Variants in ARHGAP31 observed in about 807,000 individuals in gnomAD.
ARHGAP31 encodes the protein Rho GTPase activating protein 31.
Under a neutral mutation model 113.9 loss-of-function variants are expected in ARHGAP31, and 34 were observed. The observed-to-expected ratio is 0.30, with a 90% CI of 0.23 to 0.40. ARHGAP31 has a LOEUF of 0.40. ARHGAP31 is among the 10% of genes least tolerant of loss of function. The pLI is 1.00. For missense variants in ARHGAP31, 1,548 were observed against 1,767.1 expected, an observed-to-expected ratio of 0.88 and a Z score of 2.22; for synonymous variants, 650 against 684.8, an observed-to-expected ratio of 0.95 and a Z score of 0.79.
intron 6 of ARHGAP31, among the ~76,000 whole-genome samples, chr3:119,387,194 G>C (rs888210645): frequency 6.6e-6 from 1 of 152,152 alleles, no homozygotes; most frequent in Non-Finnish European, 1.5e-5. Context: ...GCCTGGTAAC[G>C]GGCGTCTTCC....
At chr3:119,303,786 T>TG (rs1553758200) in intron 1 of ARHGAP31, among the ~76,000 whole-genome samples, 1 of 150,962 alleles carries the variant, frequency 6.6e-6, no homozygotes, top group Non-Finnish European at 1.5e-5. Context: ...TTTCATGTTT[T>TG]TTGTTGTTGT....
At chr3:119,408,858 A>G (rs1207676471) in intron 10 of ARHGAP31, among the ~76,000 whole-genome samples, 1 of 152,216 alleles carries the variant, frequency 6.6e-6, no homozygotes, top group African/African-American at 2.4e-5. Context: ...GAACTTAATC[A>G]CTTTGGATAG....
intron 3 of ARHGAP31, among the ~76,000 whole-genome samples, chr3:119,370,313 A>G (rs1413602211): frequency 2.0e-5 from 3 of 152,366 alleles, no homozygotes; most frequent in Non-Finnish European, 2.9e-5. Flanking sequence ...GAAAGTAGAA[A>G]GGAACCATTG....
At chr3:119,315,500 G>A (rs534073921) in intron 1 of ARHGAP31, among the ~76,000 whole-genome samples, 26 of 152,312 alleles carry the variant, frequency 1.7e-4, no homozygotes, top group African/African-American at 5.1e-4. Context: ...CCAAATTCAG[G>A]TTATGATTCT....
chr3:119,365,496 A>T (rs2080246126), intron 2 of ARHGAP31, 78 bp downstream of exon 2: 1 of 1,326,112 alleles, frequency 7.5e-7, no homozygotes, highest in Non-Finnish European at 1.1e-6. Flanking sequence ...CGGTGTCCAG[A>T]GTATTAAAAA....
intron 1 of ARHGAP31, among the ~76,000 whole-genome samples, chr3:119,298,097 A>G (rs900198781): frequency 6.6e-6 from 1 of 152,154 alleles, no homozygotes; most frequent in East Asian, 1.9e-4. Context: ...GAAGGGAGCA[A>G]TGAACACTCT....
At chr3:119,327,551 A>G (rs2079856840) in intron 1 of ARHGAP31, among the ~76,000 whole-genome samples, 1 of 152,196 alleles carries the variant, frequency 6.6e-6, no homozygotes, top group South Asian at 2.1e-4. Flanking sequence ...TCTCAAAAAA[A>G]TAAATAAATA....
At chr3:119,358,563 A>G (rs77732659) in intron 1 of ARHGAP31, among the ~76,000 whole-genome samples, 2,623 of 152,348 alleles carry the variant, frequency 0.017, 48 homozygotes, top group East Asian at 0.061. Flanking sequence ...CATAGCAACA[A>G]TATTCCTAAT....
At position 119,366,623 on chromosome 3, in the gene ARHGAP31, G is replaced by A. The variant is rs550280338; in HGVS notation, c.203+1205G>A. Among the ~76,000 whole-genome samples the A allele has an allele frequency of 3.9e-5, 6 of 152,148 alleles. No homozygotes were observed. In the East Asian group the frequency reaches 7.7e-4, roughly 20 times the overall value. On this transcript the variant is annotated intron_variant, in intron 2 of 11. Transcript: ENST00000264245. Reference sequence around the variant, plus strand: ...CCTACCACACAGTAGGTAGCATCCCGGAAGGACACTTCAGTAGTAATGAAT... The same window carrying A: ...CCTACCACACAGTAGGTAGCATCCCAGAAGGACACTTCAGTAGTAATGAAT...
chr3:119,389,038 G>C (rs1273862714), intron 6 of ARHGAP31, among the ~76,000 whole-genome samples: 1 of 152,220 alleles, frequency 6.6e-6, no homozygotes, highest in East Asian at 1.9e-4. Context: ...GTGGGTGCCT[G>C]TAGTCCCAGC....
rs772904510 is a variant in ARHGAP31, at chr3:119,416,288, GA to G, written c.*31del. 4.4e-5 allele frequency: 71 copies of G among 1,611,010 alleles called. No individual in the cohort carries two copies. Among genetic ancestry groups the G allele is most frequent in the Non-Finnish European group, 5.3e-5 (63 of 1,180,004 alleles). On this transcript the variant is annotated 3_prime_UTR_variant, in exon 12 of 12. Transcript: ENST00000264245. The stretch of plus-strand genomic sequence containing the variant: ...GATTTCGGTTCACCTGCTGGTGTCT[GA>G]AAAAAACCGTGATTCATCTGGAAGT...
chr3:119,309,949 GTTT>G (rs57460032), intron 1 of ARHGAP31, among the ~76,000 whole-genome samples: 1 of 143,986 alleles, frequency 6.9e-6, no homozygotes. Context: ...ACTATCAACT[GTTT>G]TTTTTTTTTT....
chr3:119,393,725 T>A, intron 8 of ARHGAP31, 134 bp downstream of exon 8: 1 of 1,268,476 alleles, frequency 7.9e-7, no homozygotes, highest in Non-Finnish European at 1.1e-6. Flanking sequence ...GGAAGAGGAG[T>A]CTTTTTTCAA....
chr3:119,375,004 CT>C (rs368829009), intron 3 of ARHGAP31, among the ~76,000 whole-genome samples: 23 of 147,998 alleles, frequency 1.6e-4, no homozygotes, highest in Non-Finnish European at 1.4e-4. Context: ...GATCAAACTG[CT>C]TTTTTTTTTG....
In ARHGAP31 at chr3:119,414,254, C is replaced by T; in HGVS notation, c.2325C>T (p.Gly775=). 1 of 1,614,160 alleles carries T rather than the reference C, an allele frequency of 6.2e-7. No individual in the cohort carries two copies. Among genetic ancestry groups the T allele is most frequent in the Non-Finnish European group, 8.5e-7 (1 of 1,180,018 alleles). The change falls in exon 12 of 12, where the codon GGC becomes GGT. Residue 775 remains glycine, a synonymous_variant. Coordinates refer to ENST00000264245, the MANE Select transcript of ARHGAP31 (RefSeq NM_020754.4). The part of the protein sequence containing the change: ...PQATVEVGGP[G]NLSPPLPPAP... ...CAACAGTGGAAGTAGGAGGCCCAGG[C>T]AATCTGTCTCCTCCACTCCCACCTG...
chr3:119,401,880 A>G lies in ARHGAP31; in HGVS notation c.1128A>G (p.Pro376=). The G allele has an allele frequency of 6.2e-7, 1 of 1,614,050 alleles. No individual in the cohort carries two copies. The highest frequency in any genetic ancestry group is 2.2e-5 in the East Asian group (1 of 44,874). Residue 376 remains proline, a synonymous_variant, in exon 10 of 12, where the codon CCA becomes CCG. Transcript: ENST00000264245. ...TTACCACCGGTGGATTTTTCATTCCAGCAACAAAGATGCACTCCACCGGCA... is the reference window on the plus strand; with the variant it reads ...TTACCACCGGTGGATTTTTCATTCCGGCAACAAAGATGCACTCCACCGGCA... ...RTVTTGGFFI[P]ATKMHSTGTG... is the part of the protein sequence containing the mutation.
chr3:119,409,870 T>A, intron 11 of ARHGAP31, 94 bp downstream of exon 11: 1 of 1,361,148 alleles, frequency 7.3e-7, no homozygotes, highest in Non-Finnish European at 9.9e-7. Flanking sequence ...AAAAATTTTT[T>A]TTTGAAAAAT....
chr3:119,337,744 C>G (rs117004527), intron 1 of ARHGAP31, among the ~76,000 whole-genome samples: 2,899 of 152,280 alleles, frequency 0.019, 59 homozygotes, highest in East Asian at 0.11. Context: ...AGTCCTTTAG[C>G]TAGACAGAAA....
chr3:119,393,338 G>A, intron 7 of ARHGAP31, 129 bp from the exon 8 acceptor site: 2 of 1,260,306 alleles, frequency 1.6e-6, no homozygotes, highest in East Asian at 4.7e-5. Context: ...TTGGATTTTA[G>A]AGGGGAATTT....
Sources: allele counts gnomAD v4.1 joint callset (sites outside exome capture counted in the v4.1 genomes callset), GRCh38; gene constraint gnomAD v4.1.1; transcripts MANE v1.5; gene names NCBI Gene and HGNC (gene_info 2026-07-23, HGNC 2026-07-21).